The following GPM6A variants were observed in gnomAD, a reference collection of about 807,000 sequenced individuals.
GPM6A encodes glycoprotein M6A.
In GPM6A, 7 loss-of-function variants were observed where a neutral mutation model predicts 32.1. That is an observed-to-expected ratio of 0.22 (90% confidence interval 0.12 to 0.41). The LOEUF (loss-of-function observed/expected upper bound fraction) is 0.41, where lower values mean the gene tolerates loss of function less well. Among genes scored for constraint, GPM6A ranks in the 10% least tolerant of loss-of-function variants. The pLI is 1.00. For synonymous variants in GPM6A, 130 were observed against 123.4 expected (o/e 1.05, Z -0.35); for missense variants, 235 against 347.2 (o/e 0.68, Z 2.57).
At chr4:175,847,207 G>C (rs1036480437) in intron 1 of GPM6A, among the ~76,000 whole-genome samples, 2 of 152,098 alleles carry the variant, frequency 1.3e-5, no homozygotes, top group African/African-American at 4.8e-5. Flanking sequence ...TTTCAGTCTA[G>C]AAACAAAGTT....
chr4:175,751,079 GA>G (rs1468375265), intron 1 of GPM6A, among the ~76,000 whole-genome samples: 2 of 152,034 alleles, frequency 1.3e-5, no homozygotes, highest in African/African-American at 4.8e-5. Flanking sequence ...GCAGAAGGGG[GA>G]AAAAAGATGT....
At chr4:175,698,105 G>A (rs533191330) in intron 2 of GPM6A, among the ~76,000 whole-genome samples, 1 of 152,228 alleles carries the variant, frequency 6.6e-6, no homozygotes, top group East Asian at 1.9e-4. Flanking sequence ...GAGAGGGAGA[G>A]AGAAATTTTG....
chr4:175,728,368 A>G (rs1731273504), intron 1 of GPM6A, among the ~76,000 whole-genome samples: 1 of 152,316 alleles, frequency 6.6e-6, no homozygotes, highest in East Asian at 1.9e-4. Flanking sequence ...CATCGAACAT[A>G]TCTTTGTCAG....
chr4:175,811,974 G>C (rs778132046), intron 1 of GPM6A: 2 of 469,382 alleles, frequency 4.3e-6, no homozygotes, highest in Non-Finnish European at 3.8e-6. Context: ...ACTAATACTC[G>C]ACTCTGCATT....
chr4:175,963,665 A>C (rs184408481), intron 1 of GPM6A, among the ~76,000 whole-genome samples: 1 of 152,346 alleles, frequency 6.6e-6, no homozygotes, highest in East Asian at 1.9e-4. Context: ...TAGATCAGAA[A>C]CCTGGATCTA....
At chr4:175,695,717 T>A (rs193177816) in intron 2 of GPM6A, among the ~76,000 whole-genome samples, 5 of 152,282 alleles carry the variant, frequency 3.3e-5, no homozygotes, top group Admixed American at 2.6e-4. Flanking sequence ...GAATTAATAC[T>A]GGAATGAATT....
chr4:175,943,849 GTT>G (rs1739500992), intron 1 of GPM6A, among the ~76,000 whole-genome samples: 1 of 152,124 alleles, frequency 6.6e-6, no homozygotes, highest in Non-Finnish European at 1.5e-5. Context: ...TTCTTTGTTT[GTT>G]GTGTCTCTGC....
chr4:175,732,208 G>A (rs552305367), intron 1 of GPM6A, among the ~76,000 whole-genome samples: 32 of 151,842 alleles, frequency 2.1e-4, no homozygotes, highest in Non-Finnish European at 3.4e-4. Flanking sequence ...CTCGTGATCC[G>A]CCCGCCTCGG....
At chr4:175,883,899 A>T (rs570167513) in intron 1 of GPM6A, among the ~76,000 whole-genome samples, 2 of 152,344 alleles carry the variant, frequency 1.3e-5, no homozygotes, top group East Asian at 3.9e-4. Context: ...TTTTACAACC[A>T]ATTTGCATAA....
At chr4:175,753,130 A>T (rs891203289) in intron 1 of GPM6A, among the ~76,000 whole-genome samples, 3 of 152,202 alleles carry the variant, frequency 2.0e-5, no homozygotes, top group African/African-American at 4.8e-5. Context: ...AAACAATCCC[A>T]GCGATTTTCA....
At chr4:175,815,279 T>G (rs1364425319), upstream of GPM6A, among the ~76,000 whole-genome samples, 1 of 152,138 alleles carries the variant, frequency 6.6e-6, no homozygotes, top group Admixed American at 6.5e-5. Context: ...CCTCCCAGAG[T>G]GCTGGGATTA....
At chr4:175,713,713 A>C (rs1404289012) in intron 1 of GPM6A, among the ~76,000 whole-genome samples, 6 of 152,228 alleles carry the variant, frequency 3.9e-5, no homozygotes, top group Admixed American at 3.3e-4. Flanking sequence ...TACTCTGCTT[A>C]AACAAATCAG....
intron 1 of GPM6A, among the ~76,000 whole-genome samples, chr4:175,810,591 C>T (rs1169095091): frequency 1.3e-5 from 2 of 152,190 alleles, no homozygotes; most frequent in African/African-American, 4.8e-5. Context: ...CCAAGGCTTG[C>T]TCAGACACAT....
chr4:175,780,524 T>C lies in GPM6A; in HGVS notation c.37+31667A>G, dbSNP rs1733577677. The stretch of plus-strand genomic sequence containing the variant: ...TTCATGAACGGCTATCATGCAGTTA[T>C]GGAGAGACTTAAATAGCATAACACA... On this transcript the variant is annotated intron_variant, in intron 1 of 6. Transcript: ENST00000393658. Among the ~76,000 whole-genome samples the C allele has an allele frequency of 4.6e-5, 7 of 152,212 alleles. No homozygotes were observed. In the South Asian group the frequency reaches 1.4e-3, roughly 32 times the overall value.
At chr4:175,865,242 C>T (rs529173026) in intron 1 of GPM6A, among the ~76,000 whole-genome samples, 1 of 152,310 alleles carries the variant, frequency 6.6e-6, no homozygotes, top group South Asian at 2.1e-4. Flanking sequence ...TGAAAATCAA[C>T]TGGCTATATA....
chr4:175,901,228 T>C (rs1329283271), intron 1 of GPM6A, among the ~76,000 whole-genome samples: 1 of 152,136 alleles, frequency 6.6e-6, no homozygotes, highest in Non-Finnish European at 1.5e-5. Flanking sequence ...TAGTATTTGA[T>C]AGAACCACAG....
At chr4:175,838,100 CACACACACACAG>C (rs1305107172) in intron 1 of GPM6A, among the ~76,000 whole-genome samples, 122 of 79,420 alleles carry the variant, frequency 1.5e-3, no homozygotes, top group Middle Eastern at 5.9e-3. Context: ...AACACACACA[CACACACACACAG>C]ACACACACAC....
intron 1 of GPM6A, among the ~76,000 whole-genome samples, chr4:175,809,818 G>A (rs1228355510): frequency 1.3e-5 from 2 of 152,000 alleles, no homozygotes; most frequent in Admixed American, 6.6e-5. Context: ...ATATATTTTC[G>A]AACATAGCAA....
intron 1 of GPM6A, among the ~76,000 whole-genome samples, chr4:175,964,514 T>G (rs1740273716): frequency 6.6e-6 from 1 of 152,234 alleles, no homozygotes; most frequent in Non-Finnish European, 1.5e-5. Flanking sequence ...GTTGGTTTGT[T>G]CTGAGTTCTT....
Sources: gnomAD v4.1 joint callset for allele counts (sites outside exome capture counted in the v4.1 genomes callset) on GRCh38, gnomAD v4.1.1 for gene constraint, MANE v1.5 for transcripts, NCBI Gene and HGNC (gene_info 2026-07-23, HGNC 2026-07-21) for gene names.